KRT86: variants seen among roughly 807,000 people sequenced by gnomAD.
The protein encoded by KRT86 is keratin 86, also known as keratin, type II cuticular Hb6.
In KRT86, 30 loss-of-function variants were observed where a neutral mutation model predicts 41.2. The observed-to-expected ratio is 0.73, with a 90% CI of 0.54 to 0.99. The LOEUF is 0.99. KRT86 is among the 50% of genes least tolerant of loss of function. KRT86 has a pLI of 0.00. For missense variants in KRT86, 561 were observed against 571.4 expected (o/e 0.98, Z 0.19); for synonymous variants, 238 against 238.1 (o/e 1.00, Z 0.00).
intron 2 of KRT86, among the ~76,000 whole-genome samples, chr12:52,278,713 GATCTT>G (rs1423390049): frequency 6.6e-6 from 1 of 152,110 alleles, no homozygotes; most frequent in African/African-American, 2.4e-5. Context: ...GGCATGGTCG[GATCTT>G]ATCTTATTAT....
intron 2 of KRT86, among the ~76,000 whole-genome samples, chr12:52,292,579 G>C (rs1592429010): frequency 6.6e-6 from 1 of 152,168 alleles, no homozygotes; most frequent in Non-Finnish European, 1.5e-5. Context: ...TTATTCAGTT[G>C]CACTATCCAC....
intron 9 of KRT86, 111 bp from the exon 10 acceptor site, chr12:52,308,122 T>C (rs1291018045): frequency 6.2e-6 from 9 of 1,447,130 alleles, no homozygotes; most frequent in Non-Finnish European, 8.6e-6. Flanking sequence ...TTCTTGCCCC[T>C]TCCCTTGGGC....
intron 9 of KRT86, 166 bp from the exon 10 acceptor site, chr12:52,308,067 C>T: frequency 1.2e-6 from 1 of 811,602 alleles, no homozygotes; most frequent in Middle Eastern, 3.6e-4. Context: ...TGTCTCCAGA[C>T]CCTCACGGTG....
chr12:52,286,405 C>T lies in KRT86; in HGVS notation c.-5+10459C>T, dbSNP rs940615568. On this transcript the variant is annotated intron_variant, in intron 2 of 10. Coordinates refer to ENST00000423955, the MANE Select transcript of KRT86 (RefSeq NM_001320198.2). ...TGCTCACCGCCACGTTCCCGTTGCACGGAGCGCTGCAGACACTGCCAGTCA... is the reference window on the plus strand; with the variant it reads ...TGCTCACCGCCACGTTCCCGTTGCATGGAGCGCTGCAGACACTGCCAGTCA... 22 of 1,554,400 alleles carry T rather than the reference C, an allele frequency of 1.4e-5. No individual in the cohort carries two copies. The African/African-American group carries it at 1.8e-4, about 13-fold the overall frequency.
intron 2 of KRT86, among the ~76,000 whole-genome samples, chr12:52,284,637 C>T (rs1442985756): frequency 1.3e-5 from 2 of 152,208 alleles, no homozygotes; most frequent in African/African-American, 4.8e-5. Context: ...CTAGCTTTTA[C>T]AGGAGAATTT....
chr12:52,294,558 A>G (rs551403751), intron 2 of KRT86, among the ~76,000 whole-genome samples: 1 of 152,312 alleles, frequency 6.6e-6, no homozygotes, highest in African/African-American at 2.4e-5. Context: ...GGCTCTGGCA[A>G]GGTAAAGAGG....
At chr12:52,295,259 T>C (rs1449641576) in intron 2 of KRT86, among the ~76,000 whole-genome samples, 1 of 152,196 alleles carries the variant, frequency 6.6e-6, no homozygotes, top group Non-Finnish European at 1.5e-5. Flanking sequence ...GAGTCCAACA[T>C]GCATTAACTC....
In KRT86 at chr12:52,306,097, A is replaced by G; in HGVS notation, c.1064A>G (p.Gln355Arg). 6.2e-7 allele frequency: 1 copy of G among 1,614,078 alleles called. No homozygotes were observed. Among genetic ancestry groups the G allele is most frequent in the South Asian group, 1.1e-5 (1 of 91,082 alleles). Residue 355 changes from glutamine to arginine, a missense_variant, in exon 9 of 11, where the codon CAG becomes CGG. Gln to Arg is a conservative substitution (Grantham distance 43). This residue lies in a region of KRT86 where 397 missense variants were observed against 375.9 expected (regional missense o/e 1.06). Coordinates refer to ENST00000423955, the MANE Select transcript of KRT86 (RefSeq NM_001320198.2). Reference sequence around the variant, plus strand: ...GAGGCTGCGGTGGCTCAGTCTGAGCAGCAGGGTGAGGCGGCCCTCAGCGAT... The same window carrying G: ...GAGGCTGCGGTGGCTCAGTCTGAGCGGCAGGGTGAGGCGGCCCTCAGCGAT... ...KLEAAVAQSE[Q>R]QGEAALSDAR...
At chr12:52,293,756 C>A (rs557610468) in intron 2 of KRT86, among the ~76,000 whole-genome samples, 25 of 152,268 alleles carry the variant, frequency 1.6e-4, no homozygotes, top group African/African-American at 5.8e-4. Flanking sequence ...AACCACCCCC[C>A]ACTCCAATAG....
intron 9 of KRT86, chr12:52,306,523 G>A (rs1363684809): frequency 4.6e-6 from 3 of 654,156 alleles, no homozygotes; most frequent in South Asian, 4.0e-5. Context: ...CTGGCAGCAG[G>A]TATTCCTGTT....
intron 2 of KRT86, among the ~76,000 whole-genome samples, chr12:52,284,168 GGCTGCTGCT>G (rs761653716): frequency 6.6e-6 from 1 of 152,044 alleles, no homozygotes; most frequent in South Asian, 2.1e-4. Flanking sequence ...TCCTGACAGG[GGCTGCTGCT>G]GCTGCTGCTG....
At chr12:52,287,767 A>G in intron 2 of KRT86, 1 of 1,614,008 alleles carries the variant, frequency 6.2e-7, no homozygotes, top group Non-Finnish European at 8.5e-7. Flanking sequence ...GGGACCTCCC[A>G]TCCATTCAGG....
intron 2 of KRT86, chr12:52,291,474 T>C (rs368423298): frequency 2.5e-6 from 4 of 1,612,708 alleles, no homozygotes; most frequent in Non-Finnish European, 3.4e-6. Context: ...ATGATCCTCC[T>C]GGACGTTTGG....
intron 2 of KRT86, among the ~76,000 whole-genome samples, chr12:52,298,797 A>C (rs1938307377): frequency 6.6e-6 from 1 of 152,118 alleles, no homozygotes; most frequent in African/African-American, 2.4e-5. Flanking sequence ...TTATTTATTT[A>C]TTTATTTATT....
At chr12:52,282,531 C>T (rs550289597) in intron 2 of KRT86, among the ~76,000 whole-genome samples, 6 of 152,232 alleles carry the variant, frequency 3.9e-5, no homozygotes, top group East Asian at 1.9e-4. Context: ...CCACCGCGCC[C>T]GGCCAAGTTT....
chr12:52,307,862 T>C (rs1938551750), intron 9 of KRT86, among the ~76,000 whole-genome samples: 1 of 152,216 alleles, frequency 6.6e-6, no homozygotes, highest in Non-Finnish European at 1.5e-5. Flanking sequence ...CAGAACCAAC[T>C]TCGAGGTAGT....
chr12:52,287,088 T>G lies in KRT86; in HGVS notation c.-5+11142T>G, dbSNP rs374751440. 7.4e-6 allele frequency: 12 copies of G among 1,612,658 alleles called. No individual in the cohort carries two copies. The African/African-American group carries it at 1.6e-4, about 22-fold the overall frequency. On this transcript the variant is annotated intron_variant, in intron 2 of 10. Transcript: ENST00000423955. ...GGGGAAGGGTGGTTCTGGGCCACCC[T>G]TGGTTGGACCCACCTCTGCTCCTCG...
chr12:52,287,563 G>A (rs200810186), intron 2 of KRT86: 2 of 1,613,790 alleles, frequency 1.2e-6, no homozygotes, highest in Non-Finnish European at 8.5e-7. Flanking sequence ...TAGGCCCTCG[G>A]TCTCTCTGAC....
intron 2 of KRT86, chr12:52,291,560 T>C (rs1592428250): frequency 1.9e-6 from 3 of 1,543,166 alleles, no homozygotes; most frequent in Non-Finnish European, 2.6e-6. Flanking sequence ...CGCAGCCCTA[T>C]TTATGCGCAG....
Sources: allele counts gnomAD v4.1 joint callset (sites outside exome capture counted in the v4.1 genomes callset), GRCh38; gene constraint gnomAD v4.1.1; regional missense constraint gnomAD v4.1.1; transcripts MANE v1.5; gene names NCBI Gene and HGNC (gene_info 2026-07-23, HGNC 2026-07-21).